MCTP1: variants seen among roughly 807,000 people sequenced by gnomAD.
MCTP1 encodes multiple C2 and transmembrane domain-containing protein 1.
MCTP1 carries 69 observed loss-of-function variants against 120.6 expected under a neutral mutation model. The observed-to-expected ratio is 0.57, with a 90% confidence interval of 0.47 to 0.70. The LOEUF is 0.70. MCTP1 is among the 30% of genes least tolerant of loss of function. The pLI, the probability that MCTP1 is intolerant of heterozygous loss-of-function variation, is 0.00. For missense variants in MCTP1, 1,203 were observed against 1,248.8 expected (o/e 0.96, Z 0.55); for synonymous variants, 529 against 493.1 (o/e 1.07, Z -0.96).
chr5:94,971,889 T>C (rs1417796458), intron 2 of MCTP1, among the ~76,000 whole-genome samples: 1 of 152,168 alleles, frequency 6.6e-6, no homozygotes, highest in African/African-American at 2.4e-5. Context: ...CTAAGTCCTG[T>C]GGATTCTAAT....
intron 1 of MCTP1, among the ~76,000 whole-genome samples, chr5:95,119,745 C>T (rs569258321): frequency 2.6e-4 from 39 of 152,276 alleles, no homozygotes; most frequent in African/African-American, 8.2e-4. Context: ...AAGCAACTAT[C>T]TGCAATAAAT....
intron 17 of MCTP1, among the ~76,000 whole-genome samples, chr5:94,838,127 T>C (rs1197137391): frequency 6.6e-6 from 1 of 152,218 alleles, no homozygotes; most frequent in Non-Finnish European, 1.5e-5. Flanking sequence ...TACATTTATC[T>C]AGAGTTACAT....
chr5:95,029,319 T>C (rs1839866491), intron 1 of MCTP1, among the ~76,000 whole-genome samples: 1 of 152,116 alleles, frequency 6.6e-6, no homozygotes, highest in Non-Finnish European at 1.5e-5. Flanking sequence ...TGGTATTAAA[T>C]TGCTGTGAGG....
At chr5:95,255,464 C>T (rs914188009) in intron 1 of MCTP1, among the ~76,000 whole-genome samples, 1 of 151,912 alleles carries the variant, frequency 6.6e-6, no homozygotes, top group Non-Finnish European at 1.5e-5. Flanking sequence ...GGAAGGAAAC[C>T]AAACAAAAAG....
intron 1 of MCTP1, among the ~76,000 whole-genome samples, chr5:95,231,242 A>G (rs1754905793): frequency 6.6e-6 from 1 of 152,194 alleles, no homozygotes; most frequent in Non-Finnish European, 1.5e-5. Context: ...ATGGTAATAA[A>G]GATGATTTTA....
At chr5:95,007,064 T>A (rs1340403811) in intron 2 of MCTP1, among the ~76,000 whole-genome samples, 1 of 152,020 alleles carries the variant, frequency 6.6e-6, no homozygotes, top group Admixed American at 6.6e-5. Flanking sequence ...ACAATCATGG[T>A]GGAAGGGGAA....
At chr5:95,244,134 G>T (rs1756482837) in intron 1 of MCTP1, among the ~76,000 whole-genome samples, 1 of 152,208 alleles carries the variant, frequency 6.6e-6, no homozygotes, top group African/African-American at 2.4e-5. Flanking sequence ...GTAATAGGTT[G>T]CTTCCAAGAT....
chr5:95,179,043 T>TAAAATG, intron 1 of MCTP1, among the ~76,000 whole-genome samples: 1 of 152,126 alleles, frequency 6.6e-6, no homozygotes, highest in South Asian at 2.1e-4. Flanking sequence ...CATTGGAAAG[T>TAAAATG]CTCAGTAATA....
intron 19 of MCTP1, among the ~76,000 whole-genome samples, chr5:94,730,828 C>T (rs796975058): frequency 2.6e-5 from 4 of 152,214 alleles, no homozygotes; most frequent in African/African-American, 7.2e-5. Context: ...ATACTTGTCA[C>T]CATTTGGGAA....
At chr5:94,947,555 AATATATAT>A (rs377155852) in intron 3 of MCTP1, among the ~76,000 whole-genome samples, 1 of 39,506 alleles carries the variant, frequency 2.5e-5, no homozygotes, top group African/African-American at 1.1e-4. Flanking sequence ...TAGTTTACTA[AATATATAT>A]ATATATATAT....
intron 4 of MCTP1, among the ~76,000 whole-genome samples, chr5:94,940,552 A>G (rs1817352929): frequency 8.1e-6 from 1 of 123,946 alleles, no homozygotes; most frequent in Non-Finnish European, 1.7e-5. Flanking sequence ...ACACATACAC[A>G]CACACACGCA....
At chr5:95,152,310 A>G (rs1254185337) in intron 1 of MCTP1, among the ~76,000 whole-genome samples, 3 of 152,206 alleles carry the variant, frequency 2.0e-5, no homozygotes. Context: ...TAGGCATGCA[A>G]TGGAAATGAG....
intron 1 of MCTP1, among the ~76,000 whole-genome samples, chr5:95,095,318 C>T (rs534681974): frequency 3.3e-5 from 5 of 152,214 alleles, no homozygotes; most frequent in East Asian, 1.9e-4. Context: ...CCACCGCGCC[C>T]GGCCTTATGT....
intron 11 of MCTP1, among the ~76,000 whole-genome samples, chr5:94,889,195 T>G (rs17420590): frequency 0.07 from 10,614 of 152,256 alleles, 403 homozygotes; most frequent in Non-Finnish European, 0.086. Flanking sequence ...TTTCTCGTAT[T>G]TATTTCAAAA....
chr5:94,833,366 C>T (rs1788996198), intron 17 of MCTP1, among the ~76,000 whole-genome samples: 1 of 152,118 alleles, frequency 6.6e-6, no homozygotes, highest in South Asian at 2.1e-4. Context: ...CCCTACACAA[C>T]ACCGAAGTAC....
intron 2 of MCTP1, among the ~76,000 whole-genome samples, chr5:94,981,119 A>C (rs1829310354): frequency 6.6e-6 from 1 of 152,214 alleles, no homozygotes; most frequent in Admixed American, 6.5e-5. Flanking sequence ...CAAAGACGGC[A>C]GATATAGTAT....
intron 1 of MCTP1, among the ~76,000 whole-genome samples, chr5:95,083,752 T>G (rs772752794): frequency 1.3e-5 from 2 of 152,186 alleles, no homozygotes; most frequent in Non-Finnish European, 2.9e-5. Context: ...GATACTGTTA[T>G]GCATTAAGTC....
chr5:94,870,538 G>T, intron 15 of MCTP1, 47 bp from the exon 16 acceptor site: 3 of 1,324,094 alleles, frequency 2.3e-6, no homozygotes, highest in Non-Finnish European at 3.3e-6. Flanking sequence ...TATTACAAAT[G>T]TTTACAAGTT....
At chr5:95,221,392 G>C (rs988788412) in intron 1 of MCTP1, among the ~76,000 whole-genome samples, 4 of 152,170 alleles carry the variant, frequency 2.6e-5, no homozygotes, top group Admixed American at 6.5e-5. Flanking sequence ...AGAGCCATCT[G>C]TCTGGGCAGG....
Sources: gnomAD v4.1 joint callset for allele counts (sites outside exome capture counted in the v4.1 genomes callset) on GRCh38, gnomAD v4.1.1 for gene constraint, MANE v1.5 for transcripts, NCBI Gene and HGNC (gene_info 2026-07-23, HGNC 2026-07-21) for gene names.